Variants in NPHP3 observed in about 807,000 individuals in gnomAD.
The protein encoded by NPHP3 is nephrocystin-3.
A neutral mutation model predicts 171.9 loss-of-function variants in NPHP3; 123 were observed. That is an observed-to-expected ratio of 0.72 (90% CI 0.62 to 0.83). The LOEUF (loss-of-function observed/expected upper bound fraction) is 0.83. Ranked by LOEUF, NPHP3 falls within the 40% of genes least tolerant of loss-of-function variation. The pLI is 0.00. For synonymous variants in NPHP3, 558 were observed against 579.2 expected (o/e 0.96, Z 0.52); for missense variants, 1,506 against 1,591.9 (o/e 0.95, Z 0.92).
At chr3:132,699,218 A>T in intron 13 of NPHP3, 135 bp downstream of exon 13, 4 of 658,492 alleles carry the variant, frequency 6.1e-6, no homozygotes, top group Admixed American at 5.1e-5. Context: ...TTTTTCATAA[A>T]TTCACCCACT....
At chr3:132,716,992 T>C (rs777038049) in intron 3 of NPHP3, 83 bp from the exon 4 acceptor site, 65 of 1,366,224 alleles carry the variant, frequency 4.8e-5, no homozygotes, top group Non-Finnish European at 6.6e-5. Context: ...ACAGGATTGC[T>C]GATTTTAAAA....
At chr3:132,715,872 T>C (rs1018631574) in intron 4 of NPHP3, among the ~76,000 whole-genome samples, 5 of 152,230 alleles carry the variant, frequency 3.3e-5, no homozygotes, top group African/African-American at 1.2e-4. Context: ...CAGTTGTCCC[T>C]TGGTATCAAT....
intron 5 of NPHP3, among the ~76,000 whole-genome samples, chr3:132,714,007 G>C (rs1354445327): frequency 6.6e-6 from 1 of 152,186 alleles, no homozygotes; most frequent in African/African-American, 2.4e-5. Context: ...TATATAAAGG[G>C]TTAGATAGCA....
chr3:132,715,924 C>T (rs777277067), intron 4 of NPHP3, among the ~76,000 whole-genome samples: 12 of 152,200 alleles, frequency 7.9e-5, no homozygotes, highest in Non-Finnish European at 1.5e-4. Context: ...ACCAAATCCA[C>T]AGATGCTCAG....
intron 19 of NPHP3, 70 bp from the exon 20 acceptor site, chr3:132,689,333 GAATT>G (rs1939242317): frequency 1.3e-6 from 2 of 1,495,564 alleles, no homozygotes; most frequent in African/African-American, 2.8e-5. Flanking sequence ...CAAAACTCCA[GAATT>G]AATATCAAGT....
chr3:132,719,340 C>A (rs568166321), intron 2 of NPHP3, among the ~76,000 whole-genome samples, 196 bp from the exon 3 acceptor site: 8 of 152,182 alleles, frequency 5.3e-5, no homozygotes, highest in Admixed American at 1.3e-4. Context: ...CAGCAGGATG[C>A]GTGTCTGTGG....
chr3:132,717,074 G>A lies in NPHP3; in HGVS notation c.671-165C>T, dbSNP rs1940073883. 6.0e-6 allele frequency: 4 copies of A among 663,798 alleles called. No homozygotes were observed. In the East Asian group the frequency reaches 1.1e-4, roughly 18 times the overall value. The allele number at this position is 663,798 out of a possible 1,614,324, so 41.1% of individuals were successfully genotyped here. A position where few individuals can be genotyped will look rare whatever the true frequency, so the allele number is the denominator to read the frequency against. ...CCATCGACTTTTGGCAAAGTTCAAAGATACTGATTAACATAATTCTGGTTA... is the reference window on the plus strand; with the variant it reads ...CCATCGACTTTTGGCAAAGTTCAAAAATACTGATTAACATAATTCTGGTTA... On this transcript the variant is annotated intron_variant, in intron 3 of 26. Coordinates refer to ENST00000337331, the MANE Select transcript of NPHP3 (RefSeq NM_153240.5).
rs1939000820 is a variant in NPHP3 at position 132,680,655 on chromosome 3, TAC to T, written c.*1253_*1254del. The T allele has an allele frequency of 6.6e-6, 1 of 152,206 alleles. No individual in the cohort carries two copies. Among genetic ancestry groups the T allele is most frequent in the South Asian group, 2.1e-4 (1 of 4,836 alleles). The allele number at this position is 152,206 out of a possible 1,614,324, so 9.4% of individuals were successfully genotyped here. A position where few individuals can be genotyped will look rare whatever the true frequency, so the allele number is the denominator to read the frequency against. On this transcript the variant is annotated 3_prime_UTR_variant, in exon 27 of 27. Transcript: ENST00000337331. The stretch of plus-strand genomic sequence containing the variant: ...TTTTAAAACAGTGAAGTGTGGCTAT[TAC>T]ATATTTCACTTTTACAATCAATACA...
At chr3:132,695,518 T>C (rs887645633) in intron 15 of NPHP3, among the ~76,000 whole-genome samples, 18 of 152,240 alleles carry the variant, frequency 1.2e-4, no homozygotes, top group Admixed American at 9.2e-4. Flanking sequence ...TAAAATACTT[T>C]CAATGAACAT....
chr3:132,687,085 G>A lies in NPHP3; in HGVS notation c.3201+66C>T, dbSNP rs1939181824. ...TCTAAAGCTCTTAAACATGTGGGGTGTATGCATTTATGATGCTCTTTTCCT... is the reference window on the plus strand; with the variant it reads ...TCTAAAGCTCTTAAACATGTGGGGTATATGCATTTATGATGCTCTTTTCCT... On this transcript the variant is annotated intron_variant, in intron 22 of 26. Coordinates refer to ENST00000337331, the MANE Select transcript of NPHP3 (RefSeq NM_153240.5). The A allele has an allele frequency of 1.0e-5, 8 of 770,384 alleles. No homozygotes were observed. The South Asian group carries it at 1.1e-4, about 11-fold the overall frequency. The allele number at this position is 770,384 out of a possible 1,614,324, so 47.7% of individuals were successfully genotyped here.
chr3:132,716,814 G>A lies in NPHP3; in HGVS notation c.766C>T (p.Pro256Ser), dbSNP rs1309673065. ...TCTATAGAACTATGGGCAAACTCAG[G>A]GCCTCTGAAGGACTGCTGAAGCTGG... ...MIQLQQSFRG[P>S]EFAHSSIDVE... Residue 256 changes from proline (P) to serine (S), a missense_variant, in exon 4 of 27, where the codon CCT becomes TCT. By Grantham distance (74) the Pro-to-Ser change is moderately conservative (BLOSUM62 -1). Around this residue, in one of 3 missense-constraint regions of NPHP3, gnomAD observed 930 missense variants for 924.9 expected, o/e 1.01. Coordinates refer to ENST00000337331, the MANE Select transcript of NPHP3 (RefSeq NM_153240.5). 2 of 1,614,014 alleles carry A rather than the reference G, an allele frequency of 1.2e-6. No individual in the cohort carries two copies. Among genetic ancestry groups the A allele is most frequent in the African/African-American group, 1.3e-5 (1 of 74,900 alleles).
At chr3:132,695,548 TACTC>T (rs1939431400) in intron 15 of NPHP3, among the ~76,000 whole-genome samples, 1 of 152,202 alleles carries the variant, frequency 6.6e-6, no homozygotes, top group Non-Finnish European at 1.5e-5. Context: ...TATGAAAAAT[TACTC>T]ACACTCTTGA....
chr3:132,688,658 T>C lies in NPHP3; in HGVS notation c.3117A>G (p.Lys1039=), dbSNP rs1031541520. The C allele has an allele frequency of 6.2e-7, 1 of 1,614,108 alleles. No homozygotes were observed. Among genetic ancestry groups the C allele is most frequent in the Non-Finnish European group, 8.5e-7 (1 of 1,179,958 alleles). The change falls in exon 21 of 27, where the codon AAA becomes AAG. Residue 1039 remains lysine, a synonymous_variant. Transcript: ENST00000337331. Reference sequence around the variant, plus strand: ...GATCTAAAAAATCTTACTTATTTTGTTTCTGGTACAAAGTTGCAAGTGCTT... The same window carrying C: ...GATCTAAAAAATCTTACTTATTTTGCTTCTGGTACAAAGTTGCAAGTGCTT... ...ELEALATLYQ[K]QNKYEQAEHF...
intron 6 of NPHP3, among the ~76,000 whole-genome samples, chr3:132,711,261 GA>G: frequency 6.6e-6 from 1 of 151,996 alleles, no homozygotes; most frequent in East Asian, 1.9e-4. Flanking sequence ...AGGCATGAAA[GA>G]AACAAATAAT....
chr3:132,710,830 G>C (rs983266914), intron 6 of NPHP3, among the ~76,000 whole-genome samples: 2 of 152,150 alleles, frequency 1.3e-5, no homozygotes, highest in African/African-American at 2.4e-5. Context: ...ACCTTCTCCA[G>C]TCAGTAACAC....
At chr3:132,689,455 C>T (rs948521560) in intron 19 of NPHP3, among the ~76,000 whole-genome samples, 192 bp from the exon 20 acceptor site, 23 of 152,184 alleles carry the variant, frequency 1.5e-4, no homozygotes, top group African/African-American at 5.3e-4. Flanking sequence ...AGCAGGTTAT[C>T]TGACCTCTTA....
At chr3:132,704,059 C>T in intron 9 of NPHP3, 139 bp downstream of exon 9, 1 of 887,824 alleles carries the variant, frequency 1.1e-6, no homozygotes, top group Non-Finnish European at 1.8e-6. Flanking sequence ...CTAAGCACAT[C>T]TCAACATGGA....
intron 25 of NPHP3, among the ~76,000 whole-genome samples, chr3:132,683,164 A>G (rs906025576): frequency 4.6e-5 from 7 of 152,210 alleles, no homozygotes; most frequent in Non-Finnish European, 7.4e-5. Context: ...GATGTAGGGT[A>G]TCTCCAGAAT....
chr3:132,693,217 C>T (rs1399602792), intron 16 of NPHP3: 3 of 193,316 alleles, frequency 1.6e-5, no homozygotes, highest in African/African-American at 7.2e-5. Flanking sequence ...AAAGGGAAAT[C>T]CTCCAACTGC....
Sources: allele counts gnomAD v4.1 joint callset (sites outside exome capture counted in the v4.1 genomes callset), GRCh38; gene constraint gnomAD v4.1.1; regional missense constraint gnomAD v4.1.1; transcripts MANE v1.5; gene names NCBI Gene and HGNC (gene_info 2026-07-23, HGNC 2026-07-21).